HECTD2: variants seen among roughly 807,000 people sequenced by gnomAD.
HECTD2 encodes HECT domain E3 ubiquitin protein ligase 2, also known as probable E3 ubiquitin-protein ligase HECTD2.
In HECTD2, 35 loss-of-function variants were observed where a neutral mutation model predicts 103.2. That is an observed-to-expected ratio of 0.34 (90% CI 0.26 to 0.45). The LOEUF is 0.45. Ranked by LOEUF, HECTD2 falls within the 20% of genes least tolerant of loss-of-function variation. The pLI is 1.00. For missense variants in HECTD2, 596 were observed against 937.4 expected, an observed-to-expected ratio of 0.64 and a Z score of 4.76; for synonymous variants, 281 against 329.9, an observed-to-expected ratio of 0.85 and a Z score of 1.61.
intron 5 of HECTD2, among the ~76,000 whole-genome samples, chr10:91,469,707 A>G (rs1845656772): frequency 6.6e-6 from 1 of 152,216 alleles, no homozygotes; most frequent in South Asian, 2.1e-4. Flanking sequence ...AAGTCTGCAT[A>G]ATAACCAGCT....
In HECTD2 at chr10:91,498,597, G is replaced by A. The variant is rs141201903; in HGVS notation, c.1756-275G>A. ...GTGATCTGCAGAGCTCCAGGGACCC[G>A]CTGTGTATTATCTAGATGTCCACAC... On this transcript the variant is annotated intron_variant, in intron 16 of 20. Transcript: ENST00000298068. Among the ~76,000 whole-genome samples, 139 of 152,208 alleles carry A rather than the reference G, an allele frequency of 9.1e-4. 1 individual carries two copies. The highest frequency in any genetic ancestry group is 3.1e-3 in the African/African-American group (127 of 41,518).
intron 20 of HECTD2, among the ~76,000 whole-genome samples, chr10:91,505,714 C>G (rs1475373651): frequency 2.0e-5 from 3 of 148,524 alleles, no homozygotes; most frequent in African/African-American, 7.4e-5. Context: ...GACAGATCAA[C>G]GAGACAGAAA....
intron 5 of HECTD2, among the ~76,000 whole-genome samples, chr10:91,471,534 CAG>C (rs1845726952): frequency 6.6e-6 from 1 of 152,130 alleles, no homozygotes; most frequent in Non-Finnish European, 1.5e-5. Context: ...CAAATCTTTG[CAG>C]ATGTTATTAT....
intron 18 of HECTD2, among the ~76,000 whole-genome samples, chr10:91,499,956 G>GT (rs1452050552): frequency 6.6e-6 from 1 of 152,156 alleles, no homozygotes; most frequent in African/African-American, 2.4e-5. Flanking sequence ...CTCTAGTTAA[G>GT]TTTTGTTTAT....
rs561483407 is a variant in HECTD2 at position 91,444,350 on chromosome 10, G to A, written c.269-16077G>A. 3.3e-5 allele frequency among the ~76,000 whole-genome samples: 5 copies of A among 152,278 alleles called. No individual in the cohort carries two copies. The East Asian group carries it at 9.6e-4, about 29-fold the overall frequency. On this transcript the variant is annotated intron_variant, in intron 2 of 20. Coordinates refer to ENST00000298068, the MANE Select transcript of HECTD2 (RefSeq NM_182765.6). ...GATTTTGGCAGAGCCTGAGAGTGGA[G>A]AGATTCTTACATAAGAGAAATAGTA...
intron 8 of HECTD2, 152 bp downstream of exon 8, chr10:91,483,228 A>G (rs552475313): frequency 1.8e-5 from 8 of 437,850 alleles, no homozygotes; most frequent in Non-Finnish European, 2.8e-5. Context: ...ACAAAAATCT[A>G]CTTTAGTACT....
intron 5 of HECTD2, among the ~76,000 whole-genome samples, chr10:91,467,879 G>GC (rs1039617213): frequency 5.3e-5 from 8 of 151,170 alleles, no homozygotes; most frequent in African/African-American, 1.7e-4. Context: ...CTAGCAACTA[G>GC]CCCCCCCACC....
intron 5 of HECTD2, among the ~76,000 whole-genome samples, chr10:91,477,804 GT>G (rs1376376800): frequency 6.6e-6 from 1 of 152,056 alleles, no homozygotes; most frequent in Non-Finnish European, 1.5e-5. Flanking sequence ...ATGTTTGATA[GT>G]AAATAAGATT....
At position 91,487,785 on chromosome 10, in the gene HECTD2, C is replaced by A; in HGVS notation, c.1191+7C>A. 2 of 1,528,746 alleles carry A rather than the reference C, an allele frequency of 1.3e-6. No individual in the cohort carries two copies. The highest frequency in any genetic ancestry group is 1.8e-6 in the Non-Finnish European group (2 of 1,107,366). 94.7% of individuals were successfully genotyped at this position (1,528,746 alleles called of 1,614,324 possible). ...GATGATAAACATCGCAAGGGTAAGT[C>A]AGCTATAAAAACATATTTATGCTGA... On this transcript the variant is annotated splice_region_variant and intron_variant, in intron 11 of 20. Transcript: ENST00000298068. The surrounding 1 kb of genome is among the most constrained non-coding windows in gnomAD (Gnocchi z 4.1).
chr10:91,483,905 A>G (rs1233953018), intron 8 of HECTD2, among the ~76,000 whole-genome samples: 1 of 151,930 alleles, frequency 6.6e-6, no homozygotes, highest in Non-Finnish European at 1.5e-5. Flanking sequence ...CTTCTCTAAC[A>G]TACATATTTT....
intron 1 of HECTD2, among the ~76,000 whole-genome samples, chr10:91,412,217 G>A (rs2068725): frequency 1.3e-5 from 2 of 152,150 alleles, no homozygotes; most frequent in South Asian, 4.1e-4. Context: ...AAGGGAAAAA[G>A]TCAGTAGCGT....
chr10:91,439,229 A>C (rs1204344122), intron 2 of HECTD2, among the ~76,000 whole-genome samples: 1 of 152,092 alleles, frequency 6.6e-6, no homozygotes, highest in Non-Finnish European at 1.5e-5. Flanking sequence ...TTAAGTCTTT[A>C]ATTCATCTTG....
Position 91,478,297 on chromosome 10 carries a change from A to G in HECTD2, c.665+32A>G, listed in dbSNP as rs772024766. On this transcript the variant is annotated intron_variant, in intron 6 of 20. Transcript: ENST00000298068. ...TAATATTTTCAATATTTAGCTAATC[A>G]GTATAGATGTCTAACTTACACATCA... is the stretch of plus-strand genomic sequence containing the variant. The G allele has an allele frequency of 7.7e-6, 10 of 1,292,308 alleles. No individual in the cohort carries two copies. In the African/African-American group the frequency reaches 1.2e-4, roughly 15 times the overall value. 80.1% of individuals were successfully genotyped at this position (1,292,308 alleles called of 1,614,324 possible). A position where few individuals can be genotyped will look rare whatever the true frequency, so the allele number is the denominator to read the frequency against.
At chr10:91,444,609 G>A (rs1844515938) in intron 2 of HECTD2, among the ~76,000 whole-genome samples, 2 of 152,156 alleles carry the variant, frequency 1.3e-5, no homozygotes, top group Non-Finnish European at 2.9e-5. Context: ...ACAGACTGCA[G>A]CTGTTCTCAA....
intron 7 of HECTD2, among the ~76,000 whole-genome samples, chr10:91,482,560 G>C (rs1589529934): frequency 6.6e-6 from 1 of 151,876 alleles, no homozygotes; most frequent in African/African-American, 2.4e-5. Context: ...TTAATTGGAT[G>C]ATAGTGATTG....
chr10:91,430,204 A>G (rs1049238232), intron 2 of HECTD2, among the ~76,000 whole-genome samples: 32 of 152,180 alleles, frequency 2.1e-4, no homozygotes, highest in African/African-American at 7.7e-4. Context: ...TGAGTTTCTT[A>G]ATCCTGAGTT....
At chr10:91,476,115 T>C (rs57159565) in intron 5 of HECTD2, among the ~76,000 whole-genome samples, 14,574 of 152,174 alleles carry the variant, frequency 0.096, 1,479 homozygotes, top group African/African-American at 0.26. Flanking sequence ...GTTGTTATAC[T>C]GATAGGAATG....
intron 14 of HECTD2, 33 bp downstream of exon 14, chr10:91,493,541 A>G (rs1441734227): frequency 9.1e-7 from 1 of 1,102,406 alleles, no homozygotes; most frequent in Non-Finnish European, 1.3e-6. Flanking sequence ...GGAGGTGCTA[A>G]TAGATTAGAG....
chr10:91,501,421 C>T lies in HECTD2; in HGVS notation c.2210+87C>T. On this transcript the variant is annotated intron_variant, in intron 20 of 20. Coordinates refer to ENST00000298068, the MANE Select transcript of HECTD2 (RefSeq NM_182765.6). ...AATACATTTGGAATCAGGATGTGTACTCCGTTTGAAGTTATTTTCATAGAA... is the reference window on the plus strand; with the variant it reads ...AATACATTTGGAATCAGGATGTGTATTCCGTTTGAAGTTATTTTCATAGAA... The T allele has an allele frequency of 2.6e-6, 2 of 767,586 alleles. 1 individual carries two copies. Among genetic ancestry groups the T allele is most frequent in the South Asian group, 5.0e-5 (2 of 40,286 alleles). 47.5% of individuals were successfully genotyped at this position (767,586 alleles called of 1,614,324 possible).
Sources: allele counts gnomAD v4.1 joint callset (sites outside exome capture counted in the v4.1 genomes callset), GRCh38; gene constraint gnomAD v4.1.1; non-coding constraint Gnocchi (gnomAD v3.1); transcripts MANE v1.5; gene names NCBI Gene and HGNC (gene_info 2026-07-23, HGNC 2026-07-21).